NDUFA8: variants seen among roughly 807,000 people sequenced by gnomAD.
NDUFA8 encodes NADH:ubiquinone oxidoreductase subunit A8, also known as NADH dehydrogenase [ubiquinone] 1 alpha subcomplex subunit 8.
A neutral mutation model predicts 20.9 loss-of-function variants in NDUFA8; 16 were observed. That is an observed-to-expected ratio of 0.77 (90% CI 0.52 to 1.16). NDUFA8 has a LOEUF of 1.16. NDUFA8 is among the 50% of genes most tolerant of loss of function. NDUFA8 has a pLI of 0.00. For synonymous variants in NDUFA8, 70 were observed against 76.1 expected (o/e 0.92, Z 0.41); for missense variants, 202 against 216.4 (o/e 0.93, Z 0.42).
chr9:122,140,105 G>T (rs1298715845), downstream of NDUFA8, among the ~76,000 whole-genome samples: 1 of 152,220 alleles, frequency 6.6e-6, no homozygotes, highest in African/African-American at 2.4e-5. Context: ...ACTTTTGAAG[G>T]ACAAGCACAC....
At chr9:122,132,897 A>G in the NDUFA8 span, 1 of 455,932 alleles carries the variant, frequency 2.2e-6, no homozygotes, top group South Asian at 1.5e-5. Context: ...TCCCAGCTCC[A>G]CCAGGGCTTG....
chr9:122,144,087 A>G lies in NDUFA8; in HGVS notation c.*154T>C. 6.7e-7 allele frequency: 1 copy of G among 1,500,578 alleles called. No homozygotes were observed. Among genetic ancestry groups the G allele is most frequent in the Non-Finnish European group, 8.9e-7 (1 of 1,126,298 alleles). The allele number at this position is 1,500,578 out of a possible 1,614,324, so 93.0% of individuals were successfully genotyped here. A position where few individuals can be genotyped will look rare whatever the true frequency, so the allele number is the denominator to read the frequency against. On this transcript the variant is annotated 3_prime_UTR_variant, in exon 4 of 4. Transcript: ENST00000373768. Reference sequence around the variant, plus strand: ...CTTTAAAAATTTTAATGGACAGGAAATGGTATAGAATAACTGCCAAGTCAC... The same window carrying G: ...CTTTAAAAATTTTAATGGACAGGAAGTGGTATAGAATAACTGCCAAGTCAC...
intron 1 of NDUFA8, among the ~76,000 whole-genome samples, chr9:122,157,935 C>G (rs570891329): frequency 6.6e-6 from 1 of 152,262 alleles, no homozygotes; most frequent in South Asian, 2.1e-4. Context: ...AGGCAGATTA[C>G]GAGGTCAGGA....
chr9:122,148,310 T>G (rs749318094), intron 2 of NDUFA8, 33 bp from the exon 3 acceptor site: 3 of 1,612,406 alleles, frequency 1.9e-6, no homozygotes. Flanking sequence ...GGGCATCTCT[T>G]TGCAAAACAA....
intron 3 of NDUFA8, among the ~76,000 whole-genome samples, chr9:122,145,216 C>T (rs749667897): frequency 6.6e-6 from 1 of 152,218 alleles, no homozygotes; most frequent in Admixed American, 6.5e-5. Flanking sequence ...ACGGCAGTAA[C>T]TAAATCCCAT....
chr9:122,134,562 CAT>C, the NDUFA8 span, among the ~76,000 whole-genome samples: 2 of 152,184 alleles, frequency 1.3e-5, no homozygotes, highest in Non-Finnish European at 2.9e-5. Context: ...AGGCCTATTT[CAT>C]ATCTTTGCTT....
downstream of NDUFA8, among the ~76,000 whole-genome samples, chr9:122,139,642 A>AGT (rs1383205800): frequency 3.3e-5 from 5 of 152,200 alleles, no homozygotes; most frequent in African/African-American, 1.2e-4. Flanking sequence ...AATGAGCAAG[A>AGT]GTGATAGTAC....
chr9:122,138,487 G>A, the NDUFA8 span, among the ~76,000 whole-genome samples: 2,308 of 152,122 alleles, frequency 0.015, 29 homozygotes, highest in Non-Finnish European at 0.022. Flanking sequence ...TTCCAATGGC[G>A]TTAATCATTA....
Position 122,159,707 on chromosome 9 carries a change from G to GC in NDUFA8, c.-31dup. 6.2e-7 allele frequency: 1 copy of GC among 1,613,974 alleles called. No homozygotes were observed. Among genetic ancestry groups the GC allele is most frequent in the Non-Finnish European group, 8.5e-7 (1 of 1,179,946 alleles). On this transcript the variant is annotated 5_prime_UTR_variant, in exon 1 of 4. Transcript: ENST00000373768. ...GCTGCAGCCCCGACCCCGACGAGAA[G>GC]CCCTCAGCCGCGTCGCCCCCGTCTC...
intron 1 of NDUFA8, among the ~76,000 whole-genome samples, chr9:122,157,228 C>T (rs886644972): frequency 6.6e-6 from 1 of 152,222 alleles, no homozygotes; most frequent in African/African-American, 2.4e-5. Context: ...GTCTTCTCTT[C>T]ATCTCCGCCC....
downstream of NDUFA8, among the ~76,000 whole-genome samples, chr9:122,139,904 G>A (rs147470401): frequency 6.6e-6 from 1 of 152,232 alleles, no homozygotes; most frequent in Non-Finnish European, 1.5e-5. Flanking sequence ...TGTTGCCCAG[G>A]CTGGTCTCGA....
At position 122,159,742 on chromosome 9, in the gene NDUFA8, C is replaced by T; in HGVS notation, c.-65G>A. The T allele has an allele frequency of 2.5e-6, 4 of 1,609,906 alleles. No homozygotes were observed. Among genetic ancestry groups the T allele is most frequent in the Non-Finnish European group, 3.4e-6 (4 of 1,177,010 alleles). On this transcript the variant is annotated 5_prime_UTR_variant, in exon 1 of 4. Transcript: ENST00000373768. ...GCGTCGCCCCCGTCTCCTTGAACTC[C>T]CCTTTCGACCGCCGAGTGCCACACG... is the stretch of plus-strand genomic sequence containing the variant.
Position 122,159,717 on chromosome 9 carries a change from G to C in NDUFA8, c.-40C>G, listed in dbSNP as rs367739692. 2.5e-6 allele frequency: 4 copies of C among 1,613,686 alleles called. No homozygotes were observed. Among genetic ancestry groups the C allele is most frequent in the African/African-American group, 2.7e-5 (2 of 75,062 alleles). On this transcript the variant is annotated 5_prime_UTR_variant, in exon 1 of 4. Transcript: ENST00000373768. ...CGACCCCGACGAGAAGCCCTCAGCC[G>C]CGTCGCCCCCGTCTCCTTGAACTCC...
At chr9:122,146,871 AG>A (rs1439664696) in intron 3 of NDUFA8, among the ~76,000 whole-genome samples, 1 of 152,206 alleles carries the variant, frequency 6.6e-6, no homozygotes, top group Non-Finnish European at 1.5e-5. Flanking sequence ...ATTCCAGCCT[AG>A]GAGAGAGAGT....
intron 1 of NDUFA8, among the ~76,000 whole-genome samples, chr9:122,156,548 A>T (rs1829078335): frequency 6.6e-6 from 1 of 151,404 alleles, no homozygotes. Context: ...AGCTATTTTT[A>T]TTTTTACTCA....
At chr9:122,133,885 T>C in the NDUFA8 span, among the ~76,000 whole-genome samples, 1 of 152,208 alleles carries the variant, frequency 6.6e-6, no homozygotes, top group Non-Finnish European at 1.5e-5. Flanking sequence ...AAGGGGCTGG[T>C]GCCCTGCGCC....
At chr9:122,138,311 T>C in the NDUFA8 span, among the ~76,000 whole-genome samples, 2 of 152,200 alleles carry the variant, frequency 1.3e-5, no homozygotes, top group South Asian at 2.1e-4. Context: ...ATTTCTTGCA[T>C]GTAATTTATA....
rs1027638322 is a variant in NDUFA8 at position 122,144,187 on chromosome 9, T to A, written c.*54A>T. ...TCAGTCGATGCAAACCGCATGGGCG[T>A]TTTCATCAGTCGTTGTCTGAGCACA... On this transcript the variant is annotated 3_prime_UTR_variant, in exon 4 of 4. Transcript: ENST00000373768. The A allele has an allele frequency of 4.7e-5, 75 of 1,612,140 alleles. No individual in the cohort carries two copies. The highest frequency in any genetic ancestry group is 5.9e-5 in the Non-Finnish European group (70 of 1,179,898).
At chr9:122,144,950 A>G (rs561264051) in intron 3 of NDUFA8, among the ~76,000 whole-genome samples, 1 of 152,306 alleles carries the variant, frequency 6.6e-6, no homozygotes, top group African/African-American at 2.4e-5. Context: ...TCTCACCAAG[A>G]ACTTATTGCT....
Sources: gnomAD v4.1 joint callset for allele counts (sites outside exome capture counted in the v4.1 genomes callset) on GRCh38, gnomAD v4.1.1 for gene constraint, MANE v1.5 for transcripts, NCBI Gene and HGNC (gene_info 2026-07-23, HGNC 2026-07-21) for gene names.